The following PRKAR1B variants were observed in gnomAD, a reference collection of about 807,000 sequenced individuals.
PRKAR1B encodes the protein protein kinase cAMP-dependent type I regulatory subunit beta.
In PRKAR1B, 22 loss-of-function variants were observed where a neutral mutation model predicts 46.5. The ratio of observed to expected loss-of-function variants is 0.47; its 90% CI spans 0.34 to 0.68. The LOEUF is 0.68. Among genes scored for constraint, PRKAR1B ranks in the 30% least tolerant of loss-of-function variants. The pLI, the probability that PRKAR1B is intolerant of heterozygous loss-of-function variation, is 0.01. For synonymous variants in PRKAR1B, 259 were observed against 217.7 expected (o/e 1.19, Z -1.67); for missense variants, 445 against 535.6 (o/e 0.83, Z 1.67).
chr7:660,371 C>T (rs1051983818), intron 4 of PRKAR1B, among the ~76,000 whole-genome samples: 9 of 152,000 alleles, frequency 5.9e-5, no homozygotes, highest in Non-Finnish European at 1.3e-4. Context: ...ACCTACAATC[C>T]CTCCCATGGC....
intron 9 of PRKAR1B, among the ~76,000 whole-genome samples, chr7:563,437 G>A (rs887943306): frequency 3.3e-5 from 5 of 152,280 alleles, no homozygotes; most frequent in African/African-American, 9.6e-5. Context: ...CTCAGCAGGC[G>A]TCCAACAGCC....
At chr7:701,015 C>A (rs1207730087) in intron 2 of PRKAR1B, among the ~76,000 whole-genome samples, 1 of 151,970 alleles carries the variant, frequency 6.6e-6, no homozygotes, top group Non-Finnish European at 1.5e-5. Context: ...TGGCTGAACC[C>A]CATCTCTAAG....
At chr7:564,807 C>T (rs983166058) in intron 9 of PRKAR1B, among the ~76,000 whole-genome samples, 1 of 152,196 alleles carries the variant, frequency 6.6e-6, no homozygotes, top group South Asian at 2.1e-4. Flanking sequence ...AGTGAACTCC[C>T]GAGACGAACA....
chr7:680,330 C>A (rs1292637792), intron 3 of PRKAR1B, among the ~76,000 whole-genome samples: 1 of 152,114 alleles, frequency 6.6e-6, no homozygotes, highest in Non-Finnish European at 1.5e-5. Flanking sequence ...TGACCCCACA[C>A]AGAGCTGCTC....
intron 2 of PRKAR1B, among the ~76,000 whole-genome samples, chr7:700,452 C>T (rs1319313467): frequency 6.6e-6 from 1 of 152,144 alleles, no homozygotes; most frequent in Non-Finnish European, 1.5e-5. Context: ...GGATATAATC[C>T]AGTTCCTTGA....
Position 593,559 on chromosome 7 carries a change from G to A in PRKAR1B, c.708+2587C>T, listed in dbSNP as rs1160323871. Among the ~76,000 whole-genome samples, 1 of 152,162 alleles carries A rather than the reference G, an allele frequency of 6.6e-6. No individual in the cohort carries two copies. Among genetic ancestry groups the A allele is most frequent in the Admixed American group, 6.5e-5 (1 of 15,272 alleles). ...GAGCGACAGGGCGTCAAGGATGGTG[G>A]GGAAACGGCTTATGCAACGCCGGGC... is the stretch of plus-strand genomic sequence containing the variant. On this transcript the variant is annotated intron_variant, in intron 7 of 10. Transcript: ENST00000537384. This position sits in a 1 kb window ranked among gnomAD's most constrained non-coding sequence, Gnocchi z 6.1.
intron 1 of PRKAR1B, among the ~76,000 whole-genome samples, chr7:716,249 AAT>A (rs1359153703): frequency 1.1e-4 from 16 of 150,450 alleles, no homozygotes; most frequent in Non-Finnish European, 2.1e-4. Context: ...AAAAAAAAAA[AAT>A]CTCACTATGT....
intron 2 of PRKAR1B, among the ~76,000 whole-genome samples, chr7:685,119 TATAAC>T (rs1247140361): frequency 6.6e-6 from 1 of 150,428 alleles, no homozygotes; most frequent in Non-Finnish European, 1.5e-5. Context: ...ATGTTACACA[TATAAC>T]ATACACATAA....
intron 4 of PRKAR1B, among the ~76,000 whole-genome samples, chr7:654,433 A>G (rs1785082000): frequency 6.6e-6 from 1 of 151,088 alleles, no homozygotes; most frequent in Non-Finnish European, 1.5e-5. Flanking sequence ...CTTCACTACT[A>G]TCACCATCAT....
intron 6 of PRKAR1B, among the ~76,000 whole-genome samples, chr7:603,522 A>G (rs1299708613): frequency 6.6e-6 from 1 of 152,186 alleles, no homozygotes; most frequent in Non-Finnish European, 1.5e-5. Flanking sequence ...CCTCCTCGTC[A>G]CAAGTGCCAG....
Position 628,436 on chromosome 7 carries a change from G to C in PRKAR1B, c.441-20984C>G, listed in dbSNP as rs145684345. Among the ~76,000 whole-genome samples the C allele has an allele frequency of 9.6e-3, 1,458 of 152,362 alleles. 63 individuals are homozygous for C. Among genetic ancestry groups the C allele is most frequent in the Admixed American group, 0.078 (1,201 of 15,302 alleles). On this transcript the variant is annotated intron_variant, in intron 4 of 10. Coordinates refer to ENST00000537384, the MANE Select transcript of PRKAR1B (RefSeq NM_001164760.2). ...GGCCTCTCTCCAGACTGGGATGCAG[G>C]ATCTTTCTTCTCCAAGGATTTCATT...
chr7:675,899 T>G (rs1180749915), intron 4 of PRKAR1B, among the ~76,000 whole-genome samples: 1 of 152,002 alleles, frequency 6.6e-6, no homozygotes, highest in Admixed American at 6.6e-5. Flanking sequence ...TGAGCCAAGA[T>G]CATACGACTG....
At chr7:723,100 T>C (rs916693475) in intron 1 of PRKAR1B, among the ~76,000 whole-genome samples, 2 of 152,190 alleles carry the variant, frequency 1.3e-5, no homozygotes, top group Non-Finnish European at 2.9e-5. Context: ...GGACAGAACA[T>C]GCTCGTTCTG....
At chr7:559,744 G>C (rs1004007707) in intron 9 of PRKAR1B, among the ~76,000 whole-genome samples, 3 of 152,166 alleles carry the variant, frequency 2.0e-5, no homozygotes, top group African/African-American at 7.2e-5. Flanking sequence ...TCCCTTATGT[G>C]AAGTTCTACA....
chr7:619,478 C>T (rs977596840), intron 4 of PRKAR1B, among the ~76,000 whole-genome samples: 2 of 152,226 alleles, frequency 1.3e-5, no homozygotes, highest in African/African-American at 4.8e-5. Context: ...GGGAGCAGGA[C>T]AGAAGCACAG....
At chr7:725,809 T>C (rs1445804673) in intron 1 of PRKAR1B, among the ~76,000 whole-genome samples, 1 of 152,214 alleles carries the variant, frequency 6.6e-6, no homozygotes, top group Non-Finnish European at 1.5e-5. Context: ...GTGCTCAAGA[T>C]ATTTTTCAGG....
chr7:665,401 G>C (rs1785851664), intron 4 of PRKAR1B, among the ~76,000 whole-genome samples: 1 of 152,154 alleles, frequency 6.6e-6, no homozygotes, highest in African/African-American at 2.4e-5. Context: ...GGGCCACGGG[G>C]GAGCTCTAGA....
intron 7 of PRKAR1B, among the ~76,000 whole-genome samples, chr7:588,447 ATGGTGATGGTGATGG>A (rs1276698031): frequency 3.1e-4 from 35 of 114,752 alleles, no homozygotes; most frequent in South Asian, 2.3e-3. Context: ...GACAGTGGTG[ATGGTGATGGTGATGG>A]TGGTGATGGT....
intron 1 of PRKAR1B, among the ~76,000 whole-genome samples, chr7:715,620 G>A (rs1780844930): frequency 6.6e-6 from 1 of 152,010 alleles, no homozygotes; most frequent in African/African-American, 2.4e-5. Flanking sequence ...AGCCCTGTGG[G>A]GTCTTACTTC....
Sources: allele counts gnomAD v4.1 joint callset (sites outside exome capture counted in the v4.1 genomes callset), GRCh38; gene constraint gnomAD v4.1.1; non-coding constraint Gnocchi (gnomAD v3.1); transcripts MANE v1.5; gene names NCBI Gene and HGNC (gene_info 2026-07-23, HGNC 2026-07-21).